The following SLC30A3 variants were observed in gnomAD, a reference collection of about 807,000 sequenced individuals.
SLC30A3 encodes the protein solute carrier family 30 member 3, also known as probable proton-coupled zinc antiporter SLC30A3.
SLC30A3 carries 20 observed loss-of-function variants against 35.6 expected under a neutral mutation model. The observed-to-expected ratio is 0.56, with a 90% CI of 0.39 to 0.82. The LOEUF (loss-of-function observed/expected upper bound fraction) is 0.82, where lower values mean the gene tolerates loss of function less well. SLC30A3 is among the 40% of genes least tolerant of loss of function. The probability of loss-of-function intolerance (pLI) is 0.00; values close to 1 mark genes in which losing one functional copy is unlikely to be tolerated. For missense variants in SLC30A3, 401 were observed against 530.6 expected (o/e 0.76, Z 2.40); for synonymous variants, 217 against 224.7 (o/e 0.97, Z 0.31).
At position 27,258,203 on chromosome 2, in the gene SLC30A3, G is replaced by A. The variant is rs1363159758; in HGVS notation, c.382C>T (p.Arg128Cys). The change falls in exon 3 of 8, where the codon CGT (arginine) becomes TGT (cysteine). Residue 128 changes from arginine to cysteine, a missense_variant. By Grantham distance (180) the Arg-to-Cys change is radical. Around this residue, in one of 3 missense-constraint regions of SLC30A3, gnomAD observed 296 missense variants for 392.6 expected, o/e 0.75. Transcript: ENST00000233535. This position sits in a 1 kb window ranked among gnomAD's most constrained non-coding sequence, Gnocchi z 4.0. ...AAGGTCATGGTGCGGGTGGCTGGACGGGTGGAGAGCCAGAGGGAGAAGAGG... is the reference window on the plus strand; with the variant it reads ...AAGGTCATGGTGCGGGTGGCTGGACAGGTGGAGAGCCAGAGGGAGAAGAGG... ...GSLFSLWLST[R>C]PATRTMTFGW... 9 of 1,598,094 alleles carry A rather than the reference G, an allele frequency of 5.6e-6. No homozygotes were observed. Among genetic ancestry groups the A allele is most frequent in the Non-Finnish European group, 7.7e-6 (9 of 1,170,730 alleles).
At position 27,262,724 on chromosome 2, in the gene SLC30A3, CG is replaced by C. The variant is rs535712208; in HGVS notation, c.95+87del. 371 of 1,315,634 alleles carry C rather than the reference CG, an allele frequency of 2.8e-4. 9 individuals carry two copies. In the South Asian group the frequency reaches 5.7e-3, roughly 20 times the overall value. 81.5% of individuals were successfully genotyped at this position (1,315,634 alleles called of 1,614,324 possible). ...ACCCGCGGTGCGCTGGGGCGGCCGC[CG>C]GGGCCCGCGCCGAGAGAGACAACGA... is the stretch of plus-strand genomic sequence containing the variant. On this transcript the variant is annotated intron_variant, in intron 1 of 7. Coordinates refer to ENST00000233535, the MANE Select transcript of SLC30A3 (RefSeq NM_003459.5). The surrounding 1 kb of genome is among the most constrained non-coding windows in gnomAD (Gnocchi z 7.5).
Position 27,262,705 on chromosome 2 carries a change from G to T in SLC30A3, c.95+107C>A. 9.1e-7 allele frequency: 1 copy of T among 1,097,674 alleles called. No homozygotes were observed. Among genetic ancestry groups the T allele is most frequent in the Non-Finnish European group, 1.2e-6 (1 of 806,332 alleles). The allele number at this position is 1,097,674 out of a possible 1,614,324, so 68.0% of individuals were successfully genotyped here. ...GGGTGCAGCGGAGCGAGGGACCCGC[G>T]GTGCGCTGGGGCGGCCGCCGGGGCC... On this transcript the variant is annotated intron_variant, in intron 1 of 7. Transcript: ENST00000233535. This position sits in a 1 kb window ranked among gnomAD's most constrained non-coding sequence, Gnocchi z 7.5.
rs1048844280 is a variant in SLC30A3, at chr2:27,255,631, A to C, written c.1019-171T>G. 4.4e-6 allele frequency: 3 copies of C among 684,362 alleles called. No homozygotes were observed. Among genetic ancestry groups the C allele is most frequent in the Non-Finnish European group, 4.9e-6 (2 of 409,294 alleles). 42.4% of individuals were successfully genotyped at this position (684,362 alleles called of 1,614,324 possible). ...ATAAAAGTGTCAAATCAAATGTTGG[A>C]GAGACTCACCCCAATCAACCATGCT... On this transcript the variant is annotated intron_variant, in intron 7 of 7. Transcript: ENST00000233535. This position sits in a 1 kb window ranked among gnomAD's most constrained non-coding sequence, Gnocchi z 5.2.
intron 1 of SLC30A3, among the ~76,000 whole-genome samples, chr2:27,274,659 G>A (rs1677914786): frequency 1.4e-5 from 2 of 146,452 alleles, no homozygotes; most frequent in African/African-American, 2.6e-5. Flanking sequence ...TAGCAATAGA[G>A]ATCAAGAGCG....
At chr2:27,263,969 C>T (rs1043956118), upstream of SLC30A3, 1 of 1,140,410 alleles carries the variant, frequency 8.8e-7, no homozygotes. Context: ...CATTCTGCCT[C>T]ATTTGGGGGA....
In SLC30A3 at chr2:27,255,102, C is replaced by T; in HGVS notation, c.*210G>A. On this transcript the variant is annotated 3_prime_UTR_variant, in exon 8 of 8. Transcript: ENST00000233535. The surrounding 1 kb of genome is among the most constrained non-coding windows in gnomAD (Gnocchi z 5.2). Reference sequence around the variant, plus strand: ...GCCCCTGAACTAGTCACATCTATTCCCCTGACTCCCACCCCACTCCCCGCC... The same window carrying T: ...GCCCCTGAACTAGTCACATCTATTCTCCTGACTCCCACCCCACTCCCCGCC... 3.9e-6 allele frequency: 6 copies of T among 1,521,304 alleles called. No homozygotes were observed. Among genetic ancestry groups the T allele is most frequent in the Non-Finnish European group, 4.4e-6 (5 of 1,138,432 alleles). The allele number at this position is 1,521,304 out of a possible 1,614,324, so 94.2% of individuals were successfully genotyped here.
intron 7 of SLC30A3, 72 bp downstream of exon 7, chr2:27,256,314 C>T: frequency 1.9e-6 from 3 of 1,564,918 alleles, no homozygotes; most frequent in Non-Finnish European, 2.6e-6. Flanking sequence ...ATTCCAGTAA[C>T]TCAAGCTATG....
chr2:27,265,046 C>G (rs1558565715), upstream of SLC30A3, among the ~76,000 whole-genome samples: 1 of 152,202 alleles, frequency 6.6e-6, no homozygotes, highest in Non-Finnish European at 1.5e-5. The surrounding 1 kb of genome is among the most constrained non-coding windows in gnomAD (Gnocchi z 5.9). Flanking sequence ...CGGGTGAGCT[C>G]GAGAATGGGG....
intron 1 of SLC30A3, among the ~76,000 whole-genome samples, chr2:27,269,495 C>T (rs28424580): frequency 0.12 from 18,202 of 151,906 alleles, 3,150 homozygotes; most frequent in African/African-American, 0.39. Context: ...GTGTGAGCCA[C>T]CACACCTGGC....
Position 27,257,776 on chromosome 2 carries a change from G to T in SLC30A3, c.578+129C>A. 1 of 933,550 alleles carries T rather than the reference G, an allele frequency of 1.1e-6. No individual in the cohort carries two copies. The highest frequency in any genetic ancestry group is 1.6e-6 in the Non-Finnish European group (1 of 615,258). 57.8% of individuals were successfully genotyped at this position (933,550 alleles called of 1,614,324 possible). A position where few individuals can be genotyped will look rare whatever the true frequency, so the allele number is the denominator to read the frequency against. ...CCAGACCCTTCTCAGGCACACGCAGGGCAGCCCATGGAGAGCTGTGTGTGC... is the reference window on the plus strand; with the variant it reads ...CCAGACCCTTCTCAGGCACACGCAGTGCAGCCCATGGAGAGCTGTGTGTGC... On this transcript the variant is annotated intron_variant, in intron 4 of 7. Transcript: ENST00000233535. The surrounding 1 kb of genome is among the most constrained non-coding windows in gnomAD (Gnocchi z 4.7).
intron 7 of SLC30A3, 38 bp downstream of exon 7, chr2:27,256,348 G>A: frequency 2.5e-6 from 4 of 1,611,066 alleles, no homozygotes; most frequent in Non-Finnish European, 3.4e-6. Flanking sequence ...GGTGGGGTAT[G>A]TTCCAGGTAG....
rs1331765322 is a variant in SLC30A3, at chr2:27,253,693, T to C, written c.*1619A>G. The C allele has an allele frequency of 6.9e-6, 1 of 145,504 alleles. No homozygotes were observed. The highest frequency in any genetic ancestry group is 2.6e-5 in the African/African-American group (1 of 38,048). The allele number at this position is 145,504 out of a possible 1,614,324, so 9.0% of individuals were successfully genotyped here. A position where few individuals can be genotyped will look rare whatever the true frequency, so the allele number is the denominator to read the frequency against. On this transcript the variant is annotated 3_prime_UTR_variant, in exon 8 of 8. Coordinates refer to ENST00000233535, the MANE Select transcript of SLC30A3 (RefSeq NM_003459.5). The stretch of plus-strand genomic sequence containing the variant: ...ATTTTTTTTTTTTTTTGAGACAAGG[T>C]CTTGCTCTGTTGCCCAGGCTGAAGT...
At chr2:27,268,101 C>G (rs1207275891) in intron 1 of SLC30A3, among the ~76,000 whole-genome samples, 1 of 152,114 alleles carries the variant, frequency 6.6e-6, no homozygotes, top group African/African-American at 2.4e-5. Context: ...AATGTAAGCT[C>G]CATGATGGCA....
chr2:27,255,539 G>A lies in SLC30A3; in HGVS notation c.1019-79C>T. The A allele has an allele frequency of 6.7e-7, 1 of 1,499,568 alleles. No individual in the cohort carries two copies. The highest frequency in any genetic ancestry group is 1.2e-5 in the South Asian group (1 of 83,726). The allele number at this position is 1,499,568 out of a possible 1,614,324, so 92.9% of individuals were successfully genotyped here. On this transcript the variant is annotated intron_variant, in intron 7 of 7. Transcript: ENST00000233535. The surrounding 1 kb of genome is among the most constrained non-coding windows in gnomAD (Gnocchi z 5.2). ...GGGACTGAGATAAGGACAGGGAAAG[G>A]GGCTGCACAGCATTAAAGCCAGGCG...
chr2:27,257,424 A>ACCTCC lies in SLC30A3; in HGVS notation c.579-77_579-73dup. On this transcript the variant is annotated intron_variant, in intron 4 of 7. Transcript: ENST00000233535. This position sits in a 1 kb window ranked among gnomAD's most constrained non-coding sequence, Gnocchi z 4.7. ...TCCTATACCCCCATCTCCATGTCTC[A>ACCTCC]CCTCCCCAGTAGCCCTTTCCCAGCC... 1 of 1,406,724 alleles carries ACCTCC rather than the reference A, an allele frequency of 7.1e-7. No homozygotes were observed. Among genetic ancestry groups the ACCTCC allele is most frequent in the Non-Finnish European group, 9.8e-7 (1 of 1,016,884 alleles). 87.1% of individuals were successfully genotyped at this position (1,406,724 alleles called of 1,614,324 possible). A position where few individuals can be genotyped will look rare whatever the true frequency, so the allele number is the denominator to read the frequency against.
At chr2:27,274,637 C>T (rs1404816712) in intron 1 of SLC30A3, among the ~76,000 whole-genome samples, 3 of 150,506 alleles carry the variant, frequency 2.0e-5, no homozygotes, top group African/African-American at 4.9e-5. Flanking sequence ...TGCTACCTTT[C>T]CAGAAGAAAG....
intron 1 of SLC30A3, among the ~76,000 whole-genome samples, chr2:27,269,553 G>A (rs1030953809): frequency 6.6e-5 from 10 of 152,066 alleles, no homozygotes; most frequent in Admixed American, 1.3e-4. Context: ...CCAATGGAGT[G>A]TGGTTTTGAG....
intron 1 of SLC30A3, chr2:27,275,158 G>C: frequency 7.7e-7 from 1 of 1,300,490 alleles, no homozygotes; most frequent in Middle Eastern, 2.1e-4. Context: ...CTCTTAAGAA[G>C]GGCATGCAGC....
chr2:27,269,299 G>A (rs560112892), intron 1 of SLC30A3, among the ~76,000 whole-genome samples: 10 of 148,220 alleles, frequency 6.7e-5, no homozygotes, highest in South Asian at 2.2e-4. Flanking sequence ...TCAGCCTCCC[G>A]GGTTCAAGTG....
Sources: allele counts gnomAD v4.1 joint callset (sites outside exome capture counted in the v4.1 genomes callset), GRCh38; gene constraint gnomAD v4.1.1; regional missense constraint gnomAD v4.1.1; non-coding constraint Gnocchi (gnomAD v3.1); transcripts MANE v1.5; gene names NCBI Gene and HGNC (gene_info 2026-07-23, HGNC 2026-07-21).